SDK1: variants seen among roughly 807,000 people sequenced by gnomAD.
The protein encoded by SDK1 is protein sidekick-1.
SDK1 carries 157 observed loss-of-function variants against 245.5 expected under a neutral mutation model. The ratio of observed to expected loss-of-function variants is 0.64; its 90% CI spans 0.56 to 0.73. The LOEUF is 0.73. Ranked by LOEUF, SDK1 falls within the 30% of genes least tolerant of loss-of-function variation. The probability of loss-of-function intolerance (pLI) is 0.00; values close to 1 mark genes in which losing one functional copy is unlikely to be tolerated. For missense variants in SDK1, 3,583 were observed against 3,002.3 expected, an observed-to-expected ratio of 1.19 and a Z score of -4.52; for synonymous variants, 1,647 against 1,278.5, an observed-to-expected ratio of 1.29 and a Z score of -6.15.
chr7:4,214,007 C>T (rs1449335781), intron 38 of SDK1, among the ~76,000 whole-genome samples: 2 of 152,158 alleles, frequency 1.3e-5, no homozygotes, highest in African/African-American at 4.8e-5. Flanking sequence ...ACTTAACATC[C>T]GCTATCTCCA....
At chr7:3,907,135 T>C (rs1778979758) in intron 5 of SDK1, among the ~76,000 whole-genome samples, 1 of 152,244 alleles carries the variant, frequency 6.6e-6, no homozygotes, top group Admixed American at 6.5e-5. Flanking sequence ...TATGAAGATT[T>C]GTCTCTATCT....
At chr7:3,440,417 G>A (rs1490982670) in intron 1 of SDK1, among the ~76,000 whole-genome samples, 1 of 152,252 alleles carries the variant, frequency 6.6e-6, no homozygotes, top group Admixed American at 6.5e-5. Flanking sequence ...GAGTTAAACA[G>A]ATGTGTAGGT....
chr7:3,580,540 G>C (rs1583189993), intron 1 of SDK1, among the ~76,000 whole-genome samples: 1 of 152,230 alleles, frequency 6.6e-6, no homozygotes, highest in Non-Finnish European at 1.5e-5. Flanking sequence ...ACAAGAAATG[G>C]GGAAAGGATT....
At chr7:3,614,942 A>G (rs1052993605) in intron 1 of SDK1, among the ~76,000 whole-genome samples, 1 of 151,344 alleles carries the variant, frequency 6.6e-6, no homozygotes, top group Admixed American at 6.6e-5. Context: ...AGCTCACAGT[A>G]TCCAGCCTTA....
chr7:4,195,273 G>A (rs1046946887), intron 35 of SDK1, among the ~76,000 whole-genome samples: 5 of 152,254 alleles, frequency 3.3e-5, no homozygotes, highest in Middle Eastern at 6.8e-3. Flanking sequence ...TTATAGTCAC[G>A]CGATGCGCTG....
At chr7:3,819,425 C>T (rs1779590157) in intron 4 of SDK1, among the ~76,000 whole-genome samples, 1 of 151,912 alleles carries the variant, frequency 6.6e-6, no homozygotes, top group Non-Finnish European at 1.5e-5. Context: ...TATAAGGATA[C>T]TTCTGAGAAA....
At chr7:4,237,019 G>A (rs752876406) in intron 41 of SDK1, among the ~76,000 whole-genome samples, 6 of 151,892 alleles carry the variant, frequency 4.0e-5, no homozygotes, top group South Asian at 2.1e-4. Context: ...TGATCCTCCC[G>A]CCTCAGCCTC....
At chr7:3,642,334 C>G (rs998880336) in intron 4 of SDK1, among the ~76,000 whole-genome samples, 5 of 152,120 alleles carry the variant, frequency 3.3e-5, no homozygotes, top group African/African-American at 1.2e-4. Context: ...TGTTGCATGC[C>G]CTAAAACTAA....
chr7:3,946,385 G>A (rs924129334), intron 5 of SDK1, among the ~76,000 whole-genome samples: 1 of 152,112 alleles, frequency 6.6e-6, no homozygotes, highest in Non-Finnish European at 1.5e-5. Context: ...TCACTATGTT[G>A]CCCAGGCTGG....
chr7:3,584,352 C>T (rs767937762), intron 1 of SDK1, among the ~76,000 whole-genome samples: 1 of 152,120 alleles, frequency 6.6e-6, no homozygotes, highest in Non-Finnish European at 1.5e-5. Context: ...TCTAGTTTCA[C>T]GTGAAACCCC....
intron 17 of SDK1, among the ~76,000 whole-genome samples, chr7:4,031,546 G>GAGAGA (rs879560738): frequency 1.7e-4 from 26 of 149,294 alleles, no homozygotes; most frequent in Non-Finnish European, 3.5e-4. Flanking sequence ...TATCAAAAAA[G>GAGAGA]AGAGAAAACA....
At chr7:4,081,011 C>G (rs1194846556) in intron 22 of SDK1, among the ~76,000 whole-genome samples, 1 of 152,338 alleles carries the variant, frequency 6.6e-6, no homozygotes, top group East Asian at 1.9e-4. Context: ...TAAAATCCAT[C>G]TGCAGAAGTA....
At chr7:3,415,717 A>T (rs1379335343) in intron 1 of SDK1, among the ~76,000 whole-genome samples, 1 of 149,478 alleles carries the variant, frequency 6.7e-6, no homozygotes, top group Non-Finnish European at 1.5e-5. Context: ...TAAATTATAT[A>T]TAAATGTATA....
At chr7:3,809,294 C>G (rs980100645) in intron 4 of SDK1, among the ~76,000 whole-genome samples, 15 of 152,104 alleles carry the variant, frequency 9.9e-5, no homozygotes, top group African/African-American at 3.4e-4. Flanking sequence ...GAGGATGGTG[C>G]TAAATATTCA....
chr7:3,538,393 T>C (rs968398041), intron 1 of SDK1, among the ~76,000 whole-genome samples: 3 of 152,204 alleles, frequency 2.0e-5, no homozygotes, highest in Non-Finnish European at 4.4e-5. Flanking sequence ...TCAGTTCAGG[T>C]ATAAATTTCT....
chr7:4,159,489 C>T (rs1255038753), intron 31 of SDK1, among the ~76,000 whole-genome samples: 4 of 152,242 alleles, frequency 2.6e-5, no homozygotes, highest in Non-Finnish European at 5.9e-5. Flanking sequence ...CCAGGAAAAG[C>T]ACACTTGCCC....
chr7:4,057,235 C>A (rs1267119221), intron 19 of SDK1, among the ~76,000 whole-genome samples: 1 of 152,190 alleles, frequency 6.6e-6, no homozygotes, highest in Non-Finnish European at 1.5e-5. Context: ...ACCAGGGGTC[C>A]TGAGGACAGG....
intron 4 of SDK1, among the ~76,000 whole-genome samples, chr7:3,812,829 G>T (rs926090879): frequency 6.6e-6 from 1 of 152,132 alleles, no homozygotes; most frequent in Non-Finnish European, 1.5e-5. Flanking sequence ...AATCCCATTT[G>T]CCCAGGACTT....
intron 7 of SDK1, chr7:3,958,231 C>A (rs1257500987): frequency 3.6e-6 from 1 of 280,312 alleles, no homozygotes; most frequent in African/African-American, 2.3e-5. Flanking sequence ...TAATACTTGA[C>A]AAACTTGGCC....
Sources: gnomAD v4.1 joint callset for allele counts (sites outside exome capture counted in the v4.1 genomes callset) on GRCh38, gnomAD v4.1.1 for gene constraint, MANE v1.5 for transcripts, NCBI Gene and HGNC (gene_info 2026-07-23, HGNC 2026-07-21) for gene names.